SLC9A6: variants seen among roughly 807,000 people sequenced by gnomAD.
SLC9A6 encodes the protein solute carrier family 9 member A6.
SLC9A6 carries 6 observed loss-of-function variants against 45.3 expected under a neutral mutation model. The ratio of observed to expected loss-of-function variants is 0.13; its 90% CI spans 0.07 to 0.26. The LOEUF (loss-of-function observed/expected upper bound fraction) is 0.26, where lower values mean the gene tolerates loss of function less well. SLC9A6 is among the 10% of genes least tolerant of loss of function. The pLI is 1.00. For synonymous variants in SLC9A6, 191 were observed against 187.7 expected (o/e 1.02, Z -0.14); for missense variants, 278 against 503.7 (o/e 0.55, Z 4.29).
intron 10 of SLC9A6, among the ~76,000 whole-genome samples, chrX:136,014,214 G>A (rs192918534): frequency 4.5e-5 from 5 of 112,225 alleles, no homozygotes; most frequent in African/African-American, 1.6e-4. Flanking sequence ...TGTGGGATTC[G>A]CCTGAAAAGG....
rs1392670105 is a variant in SLC9A6 at position 136,023,181 on chromosome X, A to G, written c.1306+484A>G. On this transcript the variant is annotated intron_variant, in intron 12 of 17. Coordinates refer to ENST00000630721, the MANE Select transcript of SLC9A6 (RefSeq NM_001379110.1). ...AGAAAATGTATATATATATATATAT[A>G]TATATATATATATATATATATATAT... Among the ~76,000 whole-genome samples the G allele has an allele frequency of 2.3e-3, 63 of 27,635 alleles. 3 individuals carry two copies. Among genetic ancestry groups the G allele is most frequent in the African/African-American group, 8.1e-3 (38 of 4,709 alleles). 24.0% of individuals were successfully genotyped at this position (27,635 alleles called of 115,157 possible).
intron 3 of SLC9A6, among the ~76,000 whole-genome samples, chrX:135,997,173 C>T (rs1190381052): frequency 1.8e-5 from 2 of 110,726 alleles, no homozygotes; most frequent in East Asian, 2.8e-4. Context: ...TCTCCTGTCT[C>T]AGCCTCCCAA....
chrX:135,985,583 C>T lies in SLC9A6; in HGVS notation c.-56-20C>T, dbSNP rs371561021. On this transcript the variant is annotated intron_variant, in intron 1 of 17. Coordinates refer to ENST00000630721, the MANE Select transcript of SLC9A6 (RefSeq NM_001379110.1). Reference sequence around the variant, plus strand: ...CCCGAGCCCGCAGGCTCATGCGGCCCCTTTGGTTGCTCCTCGCAGTGGGCG... The same window carrying T: ...CCCGAGCCCGCAGGCTCATGCGGCCTCTTTGGTTGCTCCTCGCAGTGGGCG... 5 of 1,205,463 alleles carry T rather than the reference C, an allele frequency of 4.1e-6. No homozygotes were observed. The highest frequency in any genetic ancestry group is 3.4e-6 in the Non-Finnish European group (3 of 893,158).
intron 7 of SLC9A6, chrX:136,009,983 T>A: frequency 8.3e-6 from 1 of 120,757 alleles, no homozygotes; most frequent in East Asian, 2.4e-4. Flanking sequence ...CCTTTTTTTC[T>A]CATAGGAAAA....
At chrX:136,022,537 T>A (rs782456672) in intron 11 of SLC9A6, 49 bp from the exon 12 acceptor site, 2 of 808,615 alleles carry the variant, frequency 2.5e-6, no homozygotes, top group Admixed American at 4.6e-5. Context: ...ATAGTCTAAA[T>A]AATATTAATA....
At chrX:136,009,667 C>G (rs1243663789) in intron 7 of SLC9A6, among the ~76,000 whole-genome samples, 1 of 112,261 alleles carries the variant, frequency 8.9e-6, no homozygotes, top group Non-Finnish European at 1.9e-5. Flanking sequence ...TTTTCTCAGG[C>G]ATTTCTATTT....
intron 17 of SLC9A6, among the ~76,000 whole-genome samples, chrX:136,042,396 T>C (rs2071528763): frequency 9.0e-6 from 1 of 111,207 alleles, no homozygotes; most frequent in Non-Finnish European, 1.9e-5. Context: ...CAGGCTGGTC[T>C]TGAACTCCTG....
chrX:135,985,959 C>T, intron 2 of SLC9A6, 132 bp downstream of exon 2: 1 of 779,729 alleles, frequency 1.3e-6, no homozygotes, highest in South Asian at 2.2e-5. Context: ...TTCTGCCTCG[C>T]CTTCCCCCTA....
At chrX:135,997,397 TC>T (rs1302413957) in intron 3 of SLC9A6, among the ~76,000 whole-genome samples, 5 of 96,623 alleles carry the variant, frequency 5.2e-5, no homozygotes, top group African/African-American at 2.0e-4. Context: ...TCATGCTTTC[TC>T]TTTTTTTTTT....
Position 136,024,326 on chromosome X carries a change from G to A in SLC9A6, c.1307-4G>A. On this transcript the variant is annotated splice_region_variant and splice_polypyrimidine_tract_variant and intron_variant, in intron 12 of 17. Transcript: ENST00000630721. ...GAAGAAATACCTTTTCTGTTCCCCT[G>A]TAGGCCTTCGTGGTGCAATGGCATT... 2 of 1,210,657 alleles carry A rather than the reference G, an allele frequency of 1.7e-6. No homozygotes were observed. Among genetic ancestry groups the A allele is most frequent in the Middle Eastern group, 2.3e-4 (1 of 4,346 alleles).
At chrX:136,039,091 G>A (rs1556622139) in intron 16 of SLC9A6, among the ~76,000 whole-genome samples, 1 of 110,814 alleles carries the variant, frequency 9.0e-6, no homozygotes, top group African/African-American at 3.3e-5. Context: ...GGAGGGCATG[G>A]AGGCTCATGC....
chrX:135,999,001 G>C, intron 6 of SLC9A6, 33 bp downstream of exon 6: 3 of 917,493 alleles, frequency 3.3e-6, no homozygotes, highest in Non-Finnish European at 4.8e-6. Context: ...TTACATACTT[G>C]AGGTGCATTG....
At position 136,024,417 on chromosome X, in the gene SLC9A6, T is replaced by C; in HGVS notation, c.1394T>C (p.Ile465Thr). 1 of 1,210,824 alleles carries C rather than the reference T, an allele frequency of 8.3e-7. No homozygotes were observed. Among genetic ancestry groups the C allele is most frequent in the Non-Finnish European group, 1.1e-6 (1 of 894,784 alleles). ...ATGATGTTCAGCACCACGCTTCTGA[T>C]TGTGTTTTTTACCGTGTGGGTATTT... ...RQMMFSTTLL[I>T]VFFTVWVFGG... is the part of the protein sequence containing the mutation. The change falls in exon 13 of 18, where the codon ATT (isoleucine) becomes ACT (threonine). Residue 465 changes from isoleucine to threonine, a missense_variant. Physicochemically the swap from Ile to Thr is moderately conservative, Grantham distance 89 (BLOSUM62 -1). Around this residue, in one of 5 missense-constraint regions of SLC9A6, gnomAD observed 15 missense variants for 58.1 expected, o/e 0.26. Coordinates refer to ENST00000630721, the MANE Select transcript of SLC9A6 (RefSeq NM_001379110.1).
chrX:136,019,951 C>T (rs1355182782), intron 11 of SLC9A6, among the ~76,000 whole-genome samples: 4 of 111,931 alleles, frequency 3.6e-5, no homozygotes, highest in Non-Finnish European at 7.5e-5. Flanking sequence ...GGGTACTAGC[C>T]ATGTGTTTTG....
upstream of SLC9A6, among the ~76,000 whole-genome samples, chrX:135,980,236 C>T (rs782164064): frequency 1.9e-5 from 2 of 104,231 alleles, no homozygotes; most frequent in East Asian, 3.1e-4. Context: ...TTTTTTAAGA[C>T]GGAGTCTCAC....
chrX:135,996,914 C>T (rs2089507655), intron 3 of SLC9A6, among the ~76,000 whole-genome samples: 1 of 108,763 alleles, frequency 9.2e-6, no homozygotes, highest in African/African-American at 3.4e-5. Context: ...CTACAGGCGC[C>T]CGCCACCACG....
chrX:135,983,174 CCTT>C (rs782225985), upstream of SLC9A6, among the ~76,000 whole-genome samples: 1 of 111,621 alleles, frequency 9.0e-6, no homozygotes, highest in South Asian at 3.8e-4. Context: ...AGTGCCAACT[CCTT>C]CAGGCCACCT....
chrX:136,018,389 G>A (rs1217054938), intron 11 of SLC9A6, among the ~76,000 whole-genome samples: 4 of 112,185 alleles, frequency 3.6e-5, no homozygotes, highest in Non-Finnish European at 7.5e-5. Flanking sequence ...TTGTCCAGCA[G>A]TACTTACTGT....
intron 15 of SLC9A6, among the ~76,000 whole-genome samples, chrX:136,032,055 A>G (rs1348065693): frequency 7.2e-5 from 8 of 111,510 alleles, no homozygotes; most frequent in Non-Finnish European, 1.1e-4. Context: ...TTGCTTGCTT[A>G]TTTATTTATT....
Sources: allele counts gnomAD v4.1 joint callset (sites outside exome capture counted in the v4.1 genomes callset), GRCh38; gene constraint gnomAD v4.1.1; regional missense constraint gnomAD v4.1.1; transcripts MANE v1.5; gene names NCBI Gene and HGNC (gene_info 2026-07-23, HGNC 2026-07-21).